The following CDH18 variants were observed in gnomAD, a reference collection of about 807,000 sequenced individuals.
The protein encoded by CDH18 is cadherin-18.
A neutral mutation model predicts 67.9 loss-of-function variants in CDH18; 31 were observed. That is an observed-to-expected ratio of 0.46 (90% CI 0.34 to 0.62). The LOEUF is 0.62. Ranked by LOEUF, CDH18 falls within the 20% of genes least tolerant of loss-of-function variation. The probability of loss-of-function intolerance (pLI) is 0.01; values close to 1 mark genes in which losing one functional copy is unlikely to be tolerated. For synonymous variants in CDH18, 362 were observed against 347.2 expected (o/e 1.04, Z -0.48); for missense variants, 890 against 975.5 (o/e 0.91, Z 1.17).
intron 1 of CDH18, among the ~76,000 whole-genome samples, chr5:20,319,723 T>C (rs1165192726): frequency 2.6e-5 from 4 of 152,158 alleles, no homozygotes; most frequent in African/African-American, 7.2e-5. Flanking sequence ...ATAATCCATA[T>C]GACTTTCTCA....
intron 1 of CDH18, among the ~76,000 whole-genome samples, chr5:20,519,942 C>CTTT (rs777265512): frequency 1.2e-4 from 5 of 41,686 alleles, no homozygotes; most frequent in Non-Finnish European, 1.4e-4. Flanking sequence ...ACAGTCTTGG[C>CTTT]TTTTTTTTTT....
intron 3 of CDH18, among the ~76,000 whole-genome samples, chr5:19,756,771 C>G (rs2149688914): frequency 6.6e-6 from 1 of 152,312 alleles, no homozygotes; most frequent in African/African-American, 2.4e-5. Context: ...ACTAAGGCCT[C>G]TAGGCCAGCA....
chr5:19,512,864 A>G (rs1477150993), intron 10 of CDH18, among the ~76,000 whole-genome samples: 1 of 152,076 alleles, frequency 6.6e-6, no homozygotes, highest in African/African-American at 2.4e-5. Context: ...AATAGCTATA[A>G]TTCCACTTAT....
intron 1 of CDH18, among the ~76,000 whole-genome samples, chr5:20,486,420 C>T (rs1037717514): frequency 6.6e-6 from 1 of 151,862 alleles, no homozygotes; most frequent in African/African-American, 2.4e-5. Context: ...ATATTATATA[C>T]ATTTTACTCT....
chr5:20,014,321 C>G (rs1370304256), intron 2 of CDH18, among the ~76,000 whole-genome samples: 1 of 152,064 alleles, frequency 6.6e-6, no homozygotes, highest in Non-Finnish European at 1.5e-5. Flanking sequence ...AAGTGTAATA[C>G]TTGCAATGTG....
chr5:19,916,965 A>G (rs1791865388), intron 2 of CDH18, among the ~76,000 whole-genome samples: 1 of 152,186 alleles, frequency 6.6e-6, no homozygotes, highest in Admixed American at 6.5e-5. Context: ...CAAATATTCC[A>G]TTAAAATGAT....
At chr5:20,051,385 T>A (rs1431077479) in intron 2 of CDH18, among the ~76,000 whole-genome samples, 1 of 151,984 alleles carries the variant, frequency 6.6e-6, no homozygotes, top group African/African-American at 2.4e-5. Flanking sequence ...ATAATATTTC[T>A]ACCACTATAT....
intron 7 of CDH18, among the ~76,000 whole-genome samples, chr5:19,588,271 TA>T (rs1235089053): frequency 1.3e-4 from 20 of 152,080 alleles, no homozygotes; most frequent in African/African-American, 4.6e-4. Context: ...GAATACCCTT[TA>T]TTTTTTTTCT....
chr5:20,555,597 AC>A (rs997723450), intron 1 of CDH18, among the ~76,000 whole-genome samples: 7 of 151,850 alleles, frequency 4.6e-5, no homozygotes, highest in Non-Finnish European at 7.4e-5. Flanking sequence ...GGCACATGCC[AC>A]CACACACAGA....
chr5:19,971,453 T>C (rs1213409468), intron 2 of CDH18, among the ~76,000 whole-genome samples: 1 of 152,052 alleles, frequency 6.6e-6, no homozygotes, highest in Non-Finnish European at 1.5e-5. Flanking sequence ...CATATTAATT[T>C]AATGTATATA....
intron 2 of CDH18, among the ~76,000 whole-genome samples, chr5:19,872,506 A>G (rs1187882967): frequency 2.6e-5 from 4 of 152,236 alleles, no homozygotes; most frequent in African/African-American, 7.2e-5. Flanking sequence ...TGGGCCCTCC[A>G]TGAGGTCAGA....
intron 2 of CDH18, among the ~76,000 whole-genome samples, chr5:19,887,389 T>C (rs1788326049): frequency 6.6e-6 from 1 of 152,064 alleles, no homozygotes; most frequent in South Asian, 2.1e-4. Context: ...CTGTGCTTTA[T>C]CCCTCTCCTC....
At chr5:19,620,480 G>A (rs946194309) in intron 5 of CDH18, among the ~76,000 whole-genome samples, 2 of 152,046 alleles carry the variant, frequency 1.3e-5, no homozygotes, top group African/African-American at 4.8e-5. Flanking sequence ...CTTGTAACTT[G>A]CAGAGTTTAT....
intron 2 of CDH18, among the ~76,000 whole-genome samples, chr5:20,108,010 T>C (rs570623697): frequency 2.7e-5 from 4 of 150,684 alleles, no homozygotes; most frequent in East Asian, 4.0e-4. Flanking sequence ...ACTAGTCATA[T>C]TGAATGGGGA....
intron 2 of CDH18, among the ~76,000 whole-genome samples, chr5:20,029,026 A>T (rs1436755338): frequency 6.6e-6 from 1 of 152,248 alleles, no homozygotes; most frequent in African/African-American, 2.4e-5. Context: ...TTGAAAAAAT[A>T]ATCTTTTGGA....
intron 5 of CDH18, among the ~76,000 whole-genome samples, chr5:19,674,891 A>T (rs1478301628): frequency 6.6e-6 from 1 of 152,160 alleles, no homozygotes; most frequent in East Asian, 1.9e-4. Context: ...GCAATAAAAC[A>T]ATACAAGAGA....
chr5:19,839,388 A>C (rs1348918507), intron 2 of CDH18, 146 bp from the exon 3 acceptor site: 2 of 185,904 alleles, frequency 1.1e-5, no homozygotes, highest in Admixed American at 5.4e-5. Context: ...AAACCTATAC[A>C]CCTATATGTC....
At chr5:20,000,960 A>T (rs570779798) in intron 2 of CDH18, among the ~76,000 whole-genome samples, 1 of 152,320 alleles carries the variant, frequency 6.6e-6, no homozygotes, top group Admixed American at 6.5e-5. Flanking sequence ...ATTAGTAAAC[A>T]GAAGTTTATT....
At chr5:20,332,519 C>T (rs1739274675) in intron 1 of CDH18, among the ~76,000 whole-genome samples, 1 of 152,248 alleles carries the variant, frequency 6.6e-6, no homozygotes, top group South Asian at 2.1e-4. Context: ...CTTGGTGAAA[C>T]AGTAAGACCT....
Sources: allele counts gnomAD v4.1 joint callset (sites outside exome capture counted in the v4.1 genomes callset), GRCh38; gene constraint gnomAD v4.1.1; transcripts MANE v1.5; gene names NCBI Gene and HGNC (gene_info 2026-07-23, HGNC 2026-07-21).